COP1: variants seen among roughly 807,000 people sequenced by gnomAD.
The protein encoded by COP1 is E3 ubiquitin-protein ligase COP1.
Under a neutral mutation model 101.3 loss-of-function variants are expected in COP1, and 24 were observed. That is an observed-to-expected ratio of 0.24 (90% CI 0.17 to 0.33). The LOEUF (loss-of-function observed/expected upper bound fraction) is 0.33, where lower values mean the gene tolerates loss of function less well. COP1 is among the 10% of genes least tolerant of loss of function. COP1 has a pLI of 1.00. For missense variants in COP1, 663 were observed against 906.2 expected (o/e 0.73, Z 3.45); for synonymous variants, 347 against 341.9 (o/e 1.01, Z -0.17).
At chr1:176,143,414 A>T (rs1691055352) in intron 6 of COP1, among the ~76,000 whole-genome samples, 1 of 152,186 alleles carries the variant, frequency 6.6e-6, no homozygotes, top group African/African-American at 2.4e-5. Flanking sequence ...TTCTCCAGTA[A>T]GATCTTTAAA....
At chr1:175,998,255 G>A (rs1249953496) in intron 15 of COP1, among the ~76,000 whole-genome samples, 1 of 148,952 alleles carries the variant, frequency 6.7e-6, no homozygotes, top group South Asian at 2.2e-4. Context: ...GGTGGGAATT[G>A]AACAATGAGA....
intron 18 of COP1, among the ~76,000 whole-genome samples, chr1:175,986,089 G>T (rs1367056573): frequency 6.6e-6 from 1 of 152,110 alleles, no homozygotes; most frequent in East Asian, 1.9e-4. Flanking sequence ...GCGCGATCTT[G>T]GCTCACTGCA....
chr1:176,129,686 T>G (rs1001319669), intron 8 of COP1, among the ~76,000 whole-genome samples: 4 of 151,836 alleles, frequency 2.6e-5, no homozygotes, highest in African/African-American at 9.7e-5. Flanking sequence ...TTTTTCAAAC[T>G]AAGTTATCCG....
At chr1:176,042,935 A>T (rs899986816) in intron 14 of COP1, among the ~76,000 whole-genome samples, 4 of 151,938 alleles carry the variant, frequency 2.6e-5, no homozygotes, top group African/African-American at 9.7e-5. Flanking sequence ...AGGGTGAGGC[A>T]GGAGAATCGC....
chr1:176,152,643 T>TCA (rs1379123375), intron 5 of COP1, among the ~76,000 whole-genome samples: 1 of 152,132 alleles, frequency 6.6e-6, no homozygotes, highest in Non-Finnish European at 1.5e-5. Context: ...AAACTGGGTT[T>TCA]CACCATGTTG....
intron 11 of COP1, among the ~76,000 whole-genome samples, chr1:176,062,997 A>C (rs1474566789): frequency 1.3e-5 from 2 of 150,136 alleles, no homozygotes; most frequent in African/African-American, 4.9e-5. Context: ...AGGAGTTTGA[A>C]GGAGGGGTGG....
chr1:176,002,794 G>A (rs1160014093), intron 15 of COP1, among the ~76,000 whole-genome samples: 3 of 150,248 alleles, frequency 2.0e-5, no homozygotes, highest in African/African-American at 7.4e-5. Context: ...CTTTGCTATT[G>A]TGAATAATGC....
intron 9 of COP1, among the ~76,000 whole-genome samples, chr1:176,105,502 A>G (rs1684157464): frequency 2.0e-5 from 3 of 152,190 alleles, no homozygotes; most frequent in Admixed American, 1.3e-4. Flanking sequence ...ACTTTTGTAT[A>G]TATATTCTAA....
intron 14 of COP1, among the ~76,000 whole-genome samples, chr1:176,030,231 T>C (rs1313635859): frequency 1.3e-5 from 2 of 152,216 alleles, no homozygotes; most frequent in African/African-American, 2.4e-5. Context: ...ATGCAATCAT[T>C]TGGTCAATCA....
intron 8 of COP1, among the ~76,000 whole-genome samples, chr1:176,118,095 C>T (rs2149608035): frequency 6.6e-6 from 1 of 151,978 alleles, no homozygotes; most frequent in Admixed American, 6.6e-5. Flanking sequence ...TGAATTTTAC[C>T]CATAGAAGTG....
chr1:175,994,786 A>G (rs1659669605), intron 15 of COP1, among the ~76,000 whole-genome samples: 1 of 152,190 alleles, frequency 6.6e-6, no homozygotes, highest in Non-Finnish European at 1.5e-5. Context: ...ACTCCCACAC[A>G]ATAATAATGG....
chr1:175,946,291 T>C (rs936024793), intron 19 of COP1, among the ~76,000 whole-genome samples: 1 of 152,172 alleles, frequency 6.6e-6, no homozygotes, highest in East Asian at 1.9e-4. Context: ...GAGACTACCA[T>C]GTAAATTAGT....
intron 11 of COP1, among the ~76,000 whole-genome samples, chr1:176,056,374 GA>G (rs1673486072): frequency 6.6e-6 from 1 of 152,096 alleles, no homozygotes; most frequent in Non-Finnish European, 1.5e-5. Context: ...ACTAAGATCT[GA>G]TTTAATTTAA....
chr1:175,946,367 C>T (rs536242750), intron 19 of COP1, among the ~76,000 whole-genome samples: 1 of 152,278 alleles, frequency 6.6e-6, no homozygotes, highest in Admixed American at 6.5e-5. Context: ...GATTTGCTGC[C>T]TTGGCTGATG....
intron 1 of COP1, among the ~76,000 whole-genome samples, chr1:176,186,662 T>C (rs377355208): frequency 6.6e-6 from 1 of 152,314 alleles, no homozygotes; most frequent in East Asian, 1.9e-4. Context: ...TGATGGGATT[T>C]GACACAGTAA....
At chr1:176,100,248 G>A (rs1485328904) in intron 9 of COP1, 2 of 248,366 alleles carry the variant, frequency 8.1e-6, no homozygotes, top group South Asian at 3.5e-5. Flanking sequence ...AACTTACCAG[G>A]TGTGGAGGCA....
intron 9 of COP1, among the ~76,000 whole-genome samples, chr1:176,099,209 C>CT (rs756330378): frequency 3.4e-4 from 52 of 152,228 alleles, no homozygotes; most frequent in Non-Finnish European, 6.9e-4. Context: ...CTATAGGACT[C>CT]TAACAGGTAC....
intron 15 of COP1, among the ~76,000 whole-genome samples, chr1:176,006,303 A>G (rs537365261): frequency 7.2e-5 from 11 of 152,140 alleles, no homozygotes; most frequent in East Asian, 5.8e-4. Flanking sequence ...TCTTTATCCA[A>G]TTTGCCAGTC....
intron 15 of COP1, among the ~76,000 whole-genome samples, chr1:175,998,081 A>G (rs1206823468): frequency 6.8e-6 from 1 of 146,628 alleles, no homozygotes; most frequent in Admixed American, 6.8e-5. Flanking sequence ...AAAAAAAAAA[A>G]AAAAAAAAAG....
Sources: allele counts gnomAD v4.1 joint callset (sites outside exome capture counted in the v4.1 genomes callset), GRCh38; gene constraint gnomAD v4.1.1; transcripts MANE v1.5; gene names NCBI Gene and HGNC (gene_info 2026-07-23, HGNC 2026-07-21).